The following DLG2 variants were observed in gnomAD, a reference collection of about 807,000 sequenced individuals.
DLG2 encodes disks large homolog 2.
A neutral mutation model predicts 132.5 loss-of-function variants in DLG2; 45 were observed. The observed-to-expected ratio is 0.34, with a 90% CI of 0.27 to 0.44. DLG2 has a LOEUF of 0.44. Among genes scored for constraint, DLG2 ranks in the 20% least tolerant of loss-of-function variants. DLG2 has a pLI of 1.00. For missense variants in DLG2, 1,045 were observed against 1,196.9 expected (o/e 0.87, Z 1.87); for synonymous variants, 424 against 419.6 (o/e 1.01, Z -0.13).
intron 6 of DLG2, among the ~76,000 whole-genome samples, chr11:84,726,575 C>A (rs914302147): frequency 6.6e-6 from 1 of 151,998 alleles, no homozygotes; most frequent in African/African-American, 2.4e-5. Context: ...AGTAAACATG[C>A]GTGTGTATGT....
In DLG2 at chr11:85,162,457, TTAG is replaced by T. The variant is rs200209341; in HGVS notation, c.187-7809_187-7807del. 5.6e-3 allele frequency among the ~76,000 whole-genome samples: 846 copies of T among 152,326 alleles called. 7 individuals carry two copies. Among genetic ancestry groups the T allele is most frequent in the African/African-American group, 0.019 (808 of 41,576 alleles). ...TGAAGGCAAAGGGAATACAGAATGG[TTAG>T]TAGAAGAAGGTAGTCATCAATACCA... On this transcript the variant is annotated intron_variant, in intron 4 of 27. Coordinates refer to ENST00000376104, the MANE Select transcript of DLG2 (RefSeq NM_001142699.3).
At chr11:84,233,164 C>T (rs2097115489) in intron 8 of DLG2, among the ~76,000 whole-genome samples, 1 of 152,118 alleles carries the variant, frequency 6.6e-6, no homozygotes, top group Admixed American at 6.5e-5. Flanking sequence ...GAGAGACCTC[C>T]TCCCTAGCCA....
intron 16 of DLG2, among the ~76,000 whole-genome samples, chr11:83,867,682 A>G (rs1402150457): frequency 6.6e-6 from 1 of 152,188 alleles, no homozygotes; most frequent in Non-Finnish European, 1.5e-5. Flanking sequence ...CTAAACAAGA[A>G]TCAATGGTTT....
At chr11:84,205,672 A>G (rs2096656296) in intron 8 of DLG2, among the ~76,000 whole-genome samples, 1 of 152,150 alleles carries the variant, frequency 6.6e-6, no homozygotes, top group Admixed American at 6.5e-5. Flanking sequence ...ATAATAGATA[A>G]CAAATTTTTT....
chr11:84,291,298 A>AGTTT (rs2097992600), intron 7 of DLG2, among the ~76,000 whole-genome samples: 1 of 152,160 alleles, frequency 6.6e-6, no homozygotes, highest in African/African-American at 2.4e-5. Flanking sequence ...CAGAATTAAT[A>AGTTT]AGGTTAGGTA....
At chr11:83,918,390 C>A (rs534659290) in intron 15 of DLG2, among the ~76,000 whole-genome samples, 2 of 152,296 alleles carry the variant, frequency 1.3e-5, no homozygotes, top group South Asian at 4.1e-4. Context: ...TTCACTCACA[C>A]CTATCCTGAT....
intron 15 of DLG2, among the ~76,000 whole-genome samples, chr11:83,884,829 G>C (rs2067356488): frequency 6.6e-6 from 1 of 152,166 alleles, no homozygotes; most frequent in Non-Finnish European, 1.5e-5. Context: ...TGGTACCCAG[G>C]CAAACAGGGT....
intron 6 of DLG2, among the ~76,000 whole-genome samples, chr11:84,808,220 C>G (rs1231174614): frequency 1.3e-5 from 2 of 151,906 alleles, no homozygotes; most frequent in Non-Finnish European, 2.9e-5. Flanking sequence ...AAAAACCATA[C>G]TACTAAATAA....
At chr11:84,273,323 A>AC (rs2097755131) in intron 7 of DLG2, 13 of 1,400,910 alleles carry the variant, frequency 9.3e-6, no homozygotes, top group Admixed American at 3.4e-5. Context: ...AAAAAAAAAA[A>AC]AAAAAACCCT....
chr11:85,548,847 G>A (rs2076488836), intron 3 of DLG2, among the ~76,000 whole-genome samples: 1 of 152,118 alleles, frequency 6.6e-6, no homozygotes, highest in Non-Finnish European at 1.5e-5. Context: ...CCCCCACCAA[G>A]CTCGAGCATC....
chr11:84,161,725 A>T (rs1029840079), intron 9 of DLG2, among the ~76,000 whole-genome samples: 1 of 152,216 alleles, frequency 6.6e-6, no homozygotes, highest in Non-Finnish European at 1.5e-5. Flanking sequence ...CTTCACGGGC[A>T]TGAGACCTGT....
intron 16 of DLG2, among the ~76,000 whole-genome samples, chr11:83,868,465 A>T (rs1307408994): frequency 3.9e-5 from 6 of 152,146 alleles, no homozygotes; most frequent in Non-Finnish European, 8.8e-5. Context: ...TCTTCAGCTG[A>T]CAGGAAAGCA....
intron 18 of DLG2, among the ~76,000 whole-genome samples, chr11:83,636,952 T>A (rs576221698): frequency 7.2e-4 from 110 of 152,250 alleles, no homozygotes; most frequent in Middle Eastern, 3.4e-3. Flanking sequence ...TTGCTACTTT[T>A]CTTTGAAAAC....
intron 6 of DLG2, among the ~76,000 whole-genome samples, chr11:84,763,574 A>G (rs1221864012): frequency 2.0e-5 from 3 of 152,100 alleles, no homozygotes; most frequent in Non-Finnish European, 4.4e-5. Context: ...CTTCTCCTAG[A>G]CACAGTTTCT....
intron 6 of DLG2, among the ~76,000 whole-genome samples, chr11:84,577,032 A>C (rs1489275435): frequency 1.3e-5 from 2 of 152,136 alleles, no homozygotes; most frequent in Non-Finnish European, 2.9e-5. Context: ...TGTGATAGTG[A>C]GTAAAGTCTC....
intron 4 of DLG2, among the ~76,000 whole-genome samples, chr11:85,243,946 A>G (rs1378603593): frequency 6.6e-6 from 1 of 152,020 alleles, no homozygotes. Flanking sequence ...AAGCGTCTTT[A>G]TATGAAAATA....
At chr11:85,502,884 A>T (rs1002693575) in intron 3 of DLG2, among the ~76,000 whole-genome samples, 10 of 152,166 alleles carry the variant, frequency 6.6e-5, no homozygotes, top group Admixed American at 1.3e-4. Context: ...AGATGTTCAT[A>T]GCAGCATTGA....
intron 9 of DLG2, among the ~76,000 whole-genome samples, chr11:84,127,185 G>T (rs1042902313): frequency 1.3e-5 from 2 of 152,134 alleles, no homozygotes; most frequent in African/African-American, 2.4e-5. Flanking sequence ...AGGTAAGTCT[G>T]CATGACTTCA....
chr11:85,549,872 T>C (rs2076565772), intron 3 of DLG2, among the ~76,000 whole-genome samples: 1 of 152,166 alleles, frequency 6.6e-6, no homozygotes, highest in Non-Finnish European at 1.5e-5. Context: ...CATCAGAAAG[T>C]TACCCTATAC....
Sources: gnomAD v4.1 joint callset for allele counts (sites outside exome capture counted in the v4.1 genomes callset) on GRCh38, gnomAD v4.1.1 for gene constraint, MANE v1.5 for transcripts, NCBI Gene and HGNC (gene_info 2026-07-23, HGNC 2026-07-21) for gene names.